The following PCDHA12 variants were observed in gnomAD, a reference collection of about 807,000 sequenced individuals.
The protein encoded by PCDHA12 is protocadherin alpha-12.
Under a neutral mutation model 60.0 loss-of-function variants are expected in PCDHA12, and 44 were observed. That is an observed-to-expected ratio of 0.73 (90% CI 0.58 to 0.94). The LOEUF (loss-of-function observed/expected upper bound fraction) is 0.94, where lower values mean the gene tolerates loss of function less well. Among genes scored for constraint, PCDHA12 ranks in the 40% least tolerant of loss-of-function variants. PCDHA12 has a pLI of 0.00. For synonymous variants in PCDHA12, 569 were observed against 553.0 expected (o/e 1.03, Z -0.40); for missense variants, 1,276 against 1,239.7 (o/e 1.03, Z -0.44).
chr5:140,935,870 T>C (rs1486682424), intron 1 of PCDHA12, among the ~76,000 whole-genome samples: 1 of 151,620 alleles, frequency 6.6e-6, no homozygotes, highest in East Asian at 1.9e-4. Context: ...TAGCAATTAA[T>C]GAGCTCCAAT....
chr5:140,925,641 TATAATAATAATAATAATA>T (rs10569930), intron 1 of PCDHA12, among the ~76,000 whole-genome samples: 1 of 143,358 alleles, frequency 7.0e-6, no homozygotes, highest in African/African-American at 2.5e-5. Context: ...GAACTTAAAG[TATAATAATAATAATAATA>T]ATAATAATAA....
Position 140,875,458 on chromosome 5 carries a change from C to T in PCDHA12, c.-15C>T, listed in dbSNP as rs149655466. ...AAAACTGATTGTCCCAACTCAGAGG[C>T]CCTCATTTTCTGCAATGGTGATTAT... On this transcript the variant is annotated 5_prime_UTR_variant, in exon 1 of 4. Transcript: ENST00000398631. The T allele has an allele frequency of 1.1e-3, 1,729 of 1,596,942 alleles. 10 individuals are homozygous for T. In the African/African-American group the frequency reaches 0.015, roughly 14 times the overall value.
At chr5:140,899,753 T>G (rs2067532965) in intron 1 of PCDHA12, among the ~76,000 whole-genome samples, 1 of 152,244 alleles carries the variant, frequency 6.6e-6, no homozygotes, top group African/African-American at 2.4e-5. Flanking sequence ...TCAGAAGGAA[T>G]GGTACCAGTT....
chr5:140,936,868 A>T (rs543976186), intron 1 of PCDHA12, among the ~76,000 whole-genome samples: 3 of 152,270 alleles, frequency 2.0e-5, no homozygotes, highest in South Asian at 2.1e-4. Flanking sequence ...TTTCTATTTT[A>T]AAAAACCCTG....
At chr5:140,968,770 A>G in intron 1 of PCDHA12, 2 of 1,614,216 alleles carry the variant, frequency 1.2e-6, no homozygotes, top group Non-Finnish European at 1.7e-6. Context: ...ATGGAGAGCC[A>G]TCACTATCAG....
chr5:140,916,367 C>G (rs1400347792), intron 1 of PCDHA12, among the ~76,000 whole-genome samples: 1 of 152,196 alleles, frequency 6.6e-6, no homozygotes, highest in Non-Finnish European at 1.5e-5. Flanking sequence ...GAGTCTTTCA[C>G]TGTAGCCACC....
At chr5:140,980,910 T>G (rs1554242463) in intron 2 of PCDHA12, among the ~76,000 whole-genome samples, 1 of 152,206 alleles carries the variant, frequency 6.6e-6, no homozygotes, top group East Asian at 1.9e-4. Context: ...ATGTAACTAT[T>G]CTTTAAAAAA....
chr5:140,972,773 T>C (rs201511055), intron 1 of PCDHA12, among the ~76,000 whole-genome samples: 2 of 151,600 alleles, frequency 1.3e-5, no homozygotes, highest in African/African-American at 2.4e-5. Context: ...AAGTGATTCT[T>C]CTGCCTCAGC....
intron 1 of PCDHA12, among the ~76,000 whole-genome samples, chr5:140,906,888 A>C (rs1438258969): frequency 6.6e-6 from 1 of 152,102 alleles, no homozygotes; most frequent in Admixed American, 6.5e-5. Flanking sequence ...CTTCCTTCTT[A>C]GATTGTTGGT....
At chr5:140,950,669 G>C (rs1554219570) in intron 1 of PCDHA12, among the ~76,000 whole-genome samples, 1 of 151,992 alleles carries the variant, frequency 6.6e-6, no homozygotes, top group African/African-American at 2.4e-5. Flanking sequence ...TATCAAACAT[G>C]TACATGTATA....
At chr5:140,968,539 C>T (rs781815829) in intron 1 of PCDHA12, 30 of 1,614,078 alleles carry the variant, frequency 1.9e-5, no homozygotes, top group East Asian at 6.7e-5. Context: ...CAGCAGCCTT[C>T]GAGATGGTGC....
chr5:141,007,094 A>G (rs559556000), intron 3 of PCDHA12, among the ~76,000 whole-genome samples: 1 of 152,300 alleles, frequency 6.6e-6, no homozygotes, highest in Admixed American at 6.5e-5. Context: ...AAGAGAGTCT[A>G]GGGCCAAACC....
chr5:140,992,017 CTGTGTGTGTGTG>C (rs10602499), intron 3 of PCDHA12, among the ~76,000 whole-genome samples: 3 of 145,512 alleles, frequency 2.1e-5, no homozygotes, highest in South Asian at 2.2e-4. Flanking sequence ...AGAGGTGGCT[CTGTGTGTGTGTG>C]TGTGTGTGTG....
rs139607260 is a variant in PCDHA12, at chr5:140,954,243, A to C, written c.2368-24706A>C. ...TATTGTGAATAGTGCTGCAATGAAC[A>C]TACACATGCAGGTATCTTTATAATA... On this transcript the variant is annotated intron_variant, in intron 1 of 3. Transcript: ENST00000398631. Among the ~76,000 whole-genome samples the C allele has an allele frequency of 3.2e-4, 49 of 152,350 alleles. No individual in the cohort carries two copies. In the East Asian group the frequency reaches 9.1e-3, roughly 28 times the overall value.
intron 3 of PCDHA12, among the ~76,000 whole-genome samples, chr5:140,996,269 T>C (rs1183604392): frequency 6.6e-6 from 1 of 152,194 alleles, no homozygotes; most frequent in East Asian, 1.9e-4. Context: ...GAGCCTGGGA[T>C]TGCTGCCAAA....
Position 140,982,346 on chromosome 5 carries a change from G to T in PCDHA12, c.2427-129G>T, listed in dbSNP as rs1484322650. On this transcript the variant is annotated intron_variant, in intron 2 of 3. Coordinates refer to ENST00000398631, the MANE Select transcript of PCDHA12 (RefSeq NM_018903.4). ...TGACTGCTCAGCAGTAATTGCTTCA[G>T]TTCAAGCATGAGCAGAATGTGTTAG... 2.7e-6 allele frequency: 4 copies of T among 1,492,344 alleles called. No homozygotes were observed. The Admixed American group carries it at 8.5e-5, about 32-fold the overall frequency. The allele number at this position is 1,492,344 out of a possible 1,614,324, so 92.4% of individuals were successfully genotyped here. A position where few individuals can be genotyped will look rare whatever the true frequency, so the allele number is the denominator to read the frequency against.
At chr5:140,883,030 C>T (rs1554176556) in intron 1 of PCDHA12, 1 of 1,614,058 alleles carries the variant, frequency 6.2e-7, no homozygotes, top group Non-Finnish European at 8.5e-7. Context: ...TGTTAGAGAA[C>T]GCCTTCAATG....
chr5:140,896,540 T>C (rs1372765271), intron 1 of PCDHA12, among the ~76,000 whole-genome samples: 1 of 151,560 alleles, frequency 6.6e-6, no homozygotes, highest in Non-Finnish European at 1.5e-5. Flanking sequence ...ATTTTTCTTT[T>C]TTTTTTTTGT....
rs782468691 is a variant in PCDHA12 at position 140,962,448 on chromosome 5, A to C, written c.2368-16501A>C. Reference sequence around the variant, plus strand: ...TGTTACTTATCCAAAGATGGCTTGAATCTCTTATGGCTTGAATCTCTTTGT... The same window carrying C: ...TGTTACTTATCCAAAGATGGCTTGACTCTCTTATGGCTTGAATCTCTTTGT... On this transcript the variant is annotated intron_variant, in intron 1 of 3. Coordinates refer to ENST00000398631, the MANE Select transcript of PCDHA12 (RefSeq NM_018903.4). Among the ~76,000 whole-genome samples the C allele has an allele frequency of 4.7e-4, 72 of 152,232 alleles. 1 individual carries two copies. The highest frequency in any genetic ancestry group is 6.8e-3 in the Middle Eastern group (2 of 294).
Sources: gnomAD v4.1 joint callset for allele counts (sites outside exome capture counted in the v4.1 genomes callset) on GRCh38, gnomAD v4.1.1 for gene constraint, MANE v1.5 for transcripts, NCBI Gene and HGNC (gene_info 2026-07-23, HGNC 2026-07-21) for gene names.